Variants in LRIF1 observed in about 807,000 individuals in gnomAD.
LRIF1 encodes ligand-dependent nuclear receptor-interacting factor 1.
In LRIF1, 32 loss-of-function variants were observed where a neutral mutation model predicts 52.7. The ratio of observed to expected loss-of-function variants is 0.61; its 90% confidence interval spans 0.46 to 0.82. LRIF1 has a LOEUF of 0.82. Among genes scored for constraint, LRIF1 ranks in the 40% least tolerant of loss-of-function variants. LRIF1 has a pLI of 0.00. For missense variants in LRIF1, 887 were observed against 892.0 expected, an observed-to-expected ratio of 0.99 and a Z score of 0.07; for synonymous variants, 323 against 317.4, an observed-to-expected ratio of 1.02 and a Z score of -0.19.
the LRIF1 span, among the ~76,000 whole-genome samples, chr1:110,914,159 G>A: frequency 2.2e-4 from 33 of 152,120 alleles, no homozygotes; most frequent in Middle Eastern, 6.8e-3. Context: ...GAGGGTGAAG[G>A]GTTACTTGAA....
chr1:110,939,423 T>C, the LRIF1 span: 1 of 146,436 alleles, frequency 6.8e-6, no homozygotes, highest in African/African-American at 2.5e-5. Flanking sequence ...AAGCAATCTA[T>C]AGATTCAATG....
At chr1:110,880,883 GACACAAACAGA>G in the LRIF1 span, among the ~76,000 whole-genome samples, 1 of 152,112 alleles carries the variant, frequency 6.6e-6, no homozygotes, top group Non-Finnish European at 1.5e-5. Flanking sequence ...TGAAGACTTA[GACACAAACAGA>G]GAGGACTTCC....
the LRIF1 span, among the ~76,000 whole-genome samples, chr1:110,885,341 G>C: frequency 6.6e-6 from 1 of 151,908 alleles, no homozygotes; most frequent in African/African-American, 2.4e-5. Flanking sequence ...ACAAGGTCAG[G>C]AGATCGAGAC....
chr1:110,905,790 A>C, the LRIF1 span, among the ~76,000 whole-genome samples: 1 of 151,692 alleles, frequency 6.6e-6, no homozygotes, highest in Non-Finnish European at 1.5e-5. Context: ...CTAAGTAGGA[A>C]GACTAAATAA....
At chr1:110,945,783 C>A, downstream of LRIF1, among the ~76,000 whole-genome samples, 1 of 152,084 alleles carries the variant, frequency 6.6e-6, no homozygotes, top group East Asian at 1.9e-4. Flanking sequence ...CAACATTTTT[C>A]AAAGGAAGTG....
Position 110,951,925 on chromosome 1 carries a change from G to T in LRIF1, c.959C>A (p.Thr320Asn). Residue 320 changes from threonine to asparagine, a missense_variant, in exon 2 of 4, where the codon ACT becomes AAT. Transcript: ENST00000369763. ...SNNVASKILK[T>N]FVDRKNLGDN... ...TCCCAAATTTTTCCTATCTACAAAA[G>T]TTTTTAAAATCTTTGAAGCCACATT... 2 of 1,614,006 alleles carry T rather than the reference G, an allele frequency of 1.2e-6. No individual in the cohort carries two copies. The highest frequency in any genetic ancestry group is 1.7e-6 in the Non-Finnish European group (2 of 1,179,990).
the LRIF1 span, among the ~76,000 whole-genome samples, chr1:110,875,293 C>A: frequency 0.27 from 40,529 of 152,014 alleles, 6,068 homozygotes; most frequent in Middle Eastern, 0.45. Context: ...TACTTGGCAC[C>A]AGAAAGTGGA....
chr1:110,950,259 T>TA, intron 2 of LRIF1, 136 bp from the exon 3 acceptor site: 1 of 1,026,792 alleles, frequency 9.7e-7, no homozygotes, highest in Non-Finnish European at 1.4e-6. Flanking sequence ...ATCCTTGCCT[T>TA]ACCACCCACA....
At chr1:110,899,002 ATG>A in the LRIF1 span, 1 of 672,920 alleles carries the variant, frequency 1.5e-6, no homozygotes. Flanking sequence ...CTTGAAAGTA[ATG>A]GTTGGAAGGG....
the LRIF1 span, among the ~76,000 whole-genome samples, chr1:110,923,008 C>T: frequency 6.6e-6 from 1 of 152,272 alleles, no homozygotes; most frequent in South Asian, 2.1e-4. Flanking sequence ...TTCCACACCT[C>T]AAGAACTCTA....
chr1:110,916,796 C>T, the LRIF1 span, among the ~76,000 whole-genome samples: 1 of 152,030 alleles, frequency 6.6e-6, no homozygotes, highest in African/African-American at 2.4e-5. Context: ...AGATAGACCT[C>T]AAGGCAAACA....
chr1:110,908,176 T>G, the LRIF1 span, among the ~76,000 whole-genome samples: 1 of 152,206 alleles, frequency 6.6e-6, no homozygotes, highest in Non-Finnish European at 1.5e-5. Flanking sequence ...GAATTAAATA[T>G]TTAGATGTAA....
chr1:110,953,809 C>T (rs930667479), intron 1 of LRIF1, among the ~76,000 whole-genome samples: 3 of 152,158 alleles, frequency 2.0e-5, no homozygotes, highest in South Asian at 2.1e-4. Flanking sequence ...TCACATAGCT[C>T]AAGTCTTGGC....
downstream of LRIF1, among the ~76,000 whole-genome samples, chr1:110,945,744 A>G (rs1658189910): frequency 6.6e-6 from 1 of 152,160 alleles, no homozygotes; most frequent in Admixed American, 6.5e-5. Flanking sequence ...TCTACAATAC[A>G]TTTGCACTGT....
the LRIF1 span, among the ~76,000 whole-genome samples, chr1:110,935,633 T>C: frequency 9.4e-3 from 1,435 of 152,278 alleles, 16 homozygotes; most frequent in Middle Eastern, 0.044. Flanking sequence ...TAAAGACCTG[T>C]TATTTGAAAA....
chr1:110,942,529 T>C (rs1273738403), downstream of LRIF1, among the ~76,000 whole-genome samples: 6 of 152,088 alleles, frequency 3.9e-5, no homozygotes, highest in Non-Finnish European at 7.4e-5. Flanking sequence ...GAGAGACAGT[T>C]AGTTGATTAT....
intron 3 of LRIF1, among the ~76,000 whole-genome samples, chr1:110,948,998 T>C (rs1176953081): frequency 6.6e-6 from 1 of 152,180 alleles, no homozygotes; most frequent in Non-Finnish European, 1.5e-5. Flanking sequence ...GCTATGGCCA[T>C]TTTCTTGTAA....
At chr1:110,935,655 G>T in the LRIF1 span, among the ~76,000 whole-genome samples, 2 of 151,972 alleles carry the variant, frequency 1.3e-5, no homozygotes, top group African/African-American at 4.8e-5. Flanking sequence ...ACAGTCAGAG[G>T]AGATAAAAAA....
At chr1:110,891,299 G>C in the LRIF1 span, 1 of 886,378 alleles carries the variant, frequency 1.1e-6, no homozygotes, top group South Asian at 1.4e-5. Flanking sequence ...TCAAACCCAA[G>C]GTAATGCTAG....
Sources: gnomAD v4.1 joint callset for allele counts (sites outside exome capture counted in the v4.1 genomes callset) on GRCh38, gnomAD v4.1.1 for gene constraint, MANE v1.5 for transcripts, NCBI Gene and HGNC (gene_info 2026-07-23, HGNC 2026-07-21) for gene names.